The following FAM234A variants were observed in gnomAD, a reference collection of about 807,000 sequenced individuals.
FAM234A encodes family with sequence similarity 234 member A.
A neutral mutation model predicts 49.1 loss-of-function variants in FAM234A; 42 were observed. The observed-to-expected ratio is 0.86, with a 90% CI of 0.67 to 1.11. The LOEUF (loss-of-function observed/expected upper bound fraction) is 1.11. FAM234A is among the 50% of genes least tolerant of loss of function. The pLI is 0.00. For missense variants in FAM234A, 815 were observed against 745.2 expected (o/e 1.09, Z -1.09); for synonymous variants, 369 against 316.2 (o/e 1.17, Z -1.77).
Position 262,079 on chromosome 16 carries a change from C to G in FAM234A, c.709-14C>G, listed in dbSNP as rs1226484333. 1 of 1,613,072 alleles carries G rather than the reference C, an allele frequency of 6.2e-7. No homozygotes were observed. The highest frequency in any genetic ancestry group is 8.5e-7 in the Non-Finnish European group (1 of 1,179,470). On this transcript the variant is annotated splice_polypyrimidine_tract_variant and intron_variant, in intron 6 of 12. Coordinates refer to ENST00000399932, the MANE Select transcript of FAM234A (RefSeq NM_032039.4). Reference sequence around the variant, plus strand: ...CAGGTCCCTCTCTTCCTGTGTCATCCTGTGTCATTGCAGGTTAGTGGCCAC... The same window carrying G: ...CAGGTCCCTCTCTTCCTGTGTCATCGTGTGTCATTGCAGGTTAGTGGCCAC...
chr16:265,300 A>T lies in FAM234A; in HGVS notation c.*278A>T. The T allele has an allele frequency of 8.0e-7, 1 of 1,252,332 alleles. No individual in the cohort carries two copies. Among genetic ancestry groups the T allele is most frequent in the Non-Finnish European group, 1.0e-6 (1 of 994,478 alleles). 77.6% of individuals were successfully genotyped at this position (1,252,332 alleles called of 1,614,324 possible). ...CACCAGGGTCCCGCTCACACCAGGC[A>T]GCCTTCATAGTGGTCTCCCTGGCCA... On this transcript the variant is annotated 3_prime_UTR_variant, in exon 13 of 13. Coordinates refer to ENST00000399932, the MANE Select transcript of FAM234A (RefSeq NM_032039.4).
chr16:249,491 C>A (rs563711762), intron 1 of FAM234A, 58 bp from the exon 2 acceptor site: 1 of 152,174 alleles, frequency 6.6e-6, no homozygotes, highest in South Asian at 2.1e-4. Flanking sequence ...AAGTTCCTGA[C>A]CTGCCACCTT....
At position 266,025 on chromosome 16, in the gene FAM234A, T is replaced by C; in HGVS notation, c.*1003T>C. The C allele has an allele frequency of 1.0e-6, 1 of 986,022 alleles. No individual in the cohort carries two copies. Among genetic ancestry groups the C allele is most frequent in the Non-Finnish European group, 1.2e-6 (1 of 830,082 alleles). 61.1% of individuals were successfully genotyped at this position (986,022 alleles called of 1,614,324 possible). A position where few individuals can be genotyped will look rare whatever the true frequency, so the allele number is the denominator to read the frequency against. ...CCCAGGTCACAGAGCCTGAGCTTCG[T>C]AGCCAAAGCAGCCTGATGACCCACC... is the stretch of plus-strand genomic sequence containing the variant. On this transcript the variant is annotated 3_prime_UTR_variant, in exon 13 of 13. Coordinates refer to ENST00000399932, the MANE Select transcript of FAM234A (RefSeq NM_032039.4).
chr16:269,588 A>G (rs1367151500), downstream of FAM234A: 7 of 1,611,516 alleles, frequency 4.3e-6, no homozygotes, highest in Non-Finnish European at 5.9e-6. Context: ...TAGGAGTCCT[A>G]CAAGAGACAG....
At chr16:251,693 T>C (rs2051017738) in intron 2 of FAM234A, among the ~76,000 whole-genome samples, 1 of 146,040 alleles carries the variant, frequency 6.8e-6, no homozygotes, top group Admixed American at 6.8e-5. Flanking sequence ...TTTTTTTTTT[T>C]TTTTTTTTTT....
At chr16:256,912 T>C (rs1432918644) in intron 3 of FAM234A, among the ~76,000 whole-genome samples, 1 of 151,898 alleles carries the variant, frequency 6.6e-6, no homozygotes. Context: ...CCGGCTAATT[T>C]TGTATTTTTA....
intron 1 of FAM234A, among the ~76,000 whole-genome samples, chr16:242,393 T>C (rs1450575073): frequency 1.3e-5 from 2 of 152,090 alleles, no homozygotes; most frequent in African/African-American, 4.8e-5. Context: ...TTTGTATTTT[T>C]AGTAGAGTCG....
chr16:260,470 G>A (rs930767930), intron 5 of FAM234A: 8 of 492,526 alleles, frequency 1.6e-5, no homozygotes, highest in Middle Eastern at 3.0e-4. Flanking sequence ...CTTGGCCCCC[G>A]GCTGCTCCTG....
intron 3 of FAM234A, among the ~76,000 whole-genome samples, chr16:255,299 G>A (rs1596812279): frequency 6.6e-6 from 1 of 152,184 alleles, no homozygotes; most frequent in South Asian, 2.1e-4. Flanking sequence ...CCAATTCAGT[G>A]ATTTGTAGTC....
At chr16:253,987 C>T (rs946985938) in intron 2 of FAM234A, 5 of 209,644 alleles carry the variant, frequency 2.4e-5, no homozygotes, top group African/African-American at 1.2e-4. Context: ...GCACCTGGGT[C>T]ACCTTTTCCA....
rs1596808054 is a variant in FAM234A, at chr16:254,513, A to G, written c.100A>G (p.Asn34Asp). ...NLGNPSKNED[N>D]VKSAPPQSRL... ...GGGAAATCCATCAAAAAATGAGGAT[A>G]ACGTGAAAAGCGCGCCTCCACAGTC... The change falls in exon 3 of 13, where the codon AAC (asparagine) becomes GAC (aspartate). Residue 34 changes from asparagine to aspartate, a missense_variant. Transcript: ENST00000399932. The G allele has an allele frequency of 1.9e-6, 3 of 1,614,250 alleles. No homozygotes were observed. Among genetic ancestry groups the G allele is most frequent in the East Asian group, 2.2e-5 (1 of 44,880 alleles).
At chr16:239,748 A>T (rs753275109) in intron 1 of FAM234A, among the ~76,000 whole-genome samples, 2 of 152,134 alleles carry the variant, frequency 1.3e-5, no homozygotes, top group Non-Finnish European at 2.9e-5. Flanking sequence ...ATAGTTGCCT[A>T]TCAGCTGTTC....
chr16:247,799 T>A (rs1156775501), intron 1 of FAM234A, among the ~76,000 whole-genome samples: 5 of 152,096 alleles, frequency 3.3e-5, no homozygotes, highest in African/African-American at 1.2e-4. Flanking sequence ...GTGTTTTTCA[T>A]AAATGCCTCA....
rs1394700413 is a variant in FAM234A, at chr16:264,167, A to G, written c.1340A>G (p.Glu447Gly). 3.8e-6 allele frequency: 6 copies of G among 1,599,692 alleles called. No homozygotes were observed. Among genetic ancestry groups the G allele is most frequent in the Non-Finnish European group, 5.1e-6 (6 of 1,177,544 alleles). ...WGLHELGSTS[E>G]TETGEARHSL... ...CTCCACGAGCTGGGGAGCACCAGCG[A>G]GACGGTACGGGAGCCACCCTCGGAG... Residue 447 changes from glutamate (E) to glycine (G), a missense_variant, in exon 11 of 13, where the codon GAG becomes GGG. By Grantham distance (98) the Glu-to-Gly change is moderately conservative. Transcript: ENST00000399932.
At chr16:258,526 C>T (rs965021482) in intron 3 of FAM234A, among the ~76,000 whole-genome samples, 2 of 152,198 alleles carry the variant, frequency 1.3e-5, no homozygotes, top group Admixed American at 6.5e-5. Flanking sequence ...TAGTACAGAA[C>T]AAAATGAAAA....
chr16:266,374 C>T (rs894607642), downstream of FAM234A, among the ~76,000 whole-genome samples: 1 of 152,238 alleles, frequency 6.6e-6, no homozygotes, highest in African/African-American at 2.4e-5. Context: ...GGTGTGCTCC[C>T]ACCTGGAACA....
rs1267242638 is a variant in FAM234A at position 237,080 on chromosome 16, A to ATTT, written c.-140+2223_-140+2224insTTT. On this transcript the variant is annotated intron_variant, in intron 1 of 12. Coordinates refer to ENST00000399932, the MANE Select transcript of FAM234A (RefSeq NM_032039.4). ...GTTTATTTATTTATGTATTTTTTTA[A>ATTT]AAAAATATGTAGATGGGTTCTCACT... is the stretch of plus-strand genomic sequence containing the variant. Among the ~76,000 whole-genome samples the ATTT allele has an allele frequency of 6.3e-3, 886 of 140,658 alleles. 6 individuals are homozygous for ATTT. Among genetic ancestry groups the ATTT allele is most frequent in the African/African-American group, 0.021 (774 of 37,594 alleles). The allele number at this position is 140,658 out of a possible 152,430, so 92.3% of individuals were successfully genotyped here.
Position 264,126 on chromosome 16 carries a change from C to G in FAM234A, c.1299C>G (p.Ala433=). ...TGCCGACCGCAGACCACCGCTCAGC[C>G]TTCTTCTTCTGGGGCCTCCACGAGC... ...ASLPTADHRS[A]FFFWGLHELG... Residue 433 remains alanine (A), a synonymous_variant, in exon 11 of 13, where the codon GCC becomes GCG. Transcript: ENST00000399932. The G allele has an allele frequency of 1.9e-6, 3 of 1,609,894 alleles. No homozygotes were observed. The highest frequency in any genetic ancestry group is 1.7e-6 in the Non-Finnish European group (2 of 1,179,700).
chr16:263,409 G>A lies in FAM234A; in HGVS notation c.1112+7G>A, dbSNP rs1394905852. Reference sequence around the variant, plus strand: ...AGGCAGCCCATGTCCTGAGGTACAGGGTTTCCCCAAGGACCGCGCAGGTGC... The same window carrying A: ...AGGCAGCCCATGTCCTGAGGTACAGAGTTTCCCCAAGGACCGCGCAGGTGC... On this transcript the variant is annotated splice_region_variant and intron_variant, in intron 9 of 12. Transcript: ENST00000399932. The A allele has an allele frequency of 6.2e-7, 1 of 1,607,576 alleles. No homozygotes were observed. Among genetic ancestry groups the A allele is most frequent in the East Asian group, 2.2e-5 (1 of 44,868 alleles).
Sources: gnomAD v4.1 joint callset for allele counts (sites outside exome capture counted in the v4.1 genomes callset) on GRCh38, gnomAD v4.1.1 for gene constraint, MANE v1.5 for transcripts, NCBI Gene and HGNC (gene_info 2026-07-23, HGNC 2026-07-21) for gene names.